PDZD2: variants seen among roughly 807,000 people sequenced by gnomAD.
PDZD2 encodes the protein PDZ domain-containing protein 2.
A neutral mutation model predicts 220.7 loss-of-function variants in PDZD2; 90 were observed. That is an observed-to-expected ratio of 0.41 (90% CI 0.34 to 0.49). The LOEUF (loss-of-function observed/expected upper bound fraction) is 0.49, where lower values mean the gene tolerates loss of function less well. Ranked by LOEUF, PDZD2 falls within the 20% of genes least tolerant of loss-of-function variation. The pLI is 0.28. For synonymous variants in PDZD2, 1,375 were observed against 1,450.5 expected, an observed-to-expected ratio of 0.95 and a Z score of 1.18; for missense variants, 3,174 against 3,608.5, an observed-to-expected ratio of 0.88 and a Z score of 3.08.
chr5:32,048,503 C>T, intron 7 of PDZD2, 36 bp from the exon 8 acceptor site: 2 of 1,583,554 alleles, frequency 1.3e-6, no homozygotes, highest in Non-Finnish European at 8.7e-7. Context: ...CTTTTTGTCC[C>T]ATATCAAACT....
At chr5:31,746,634 A>G (rs1035805988) in intron 1 of PDZD2, among the ~76,000 whole-genome samples, 1 of 152,204 alleles carries the variant, frequency 6.6e-6, no homozygotes, top group African/African-American at 2.4e-5. Context: ...AGTACCTATG[A>G]CACTTGGTTC....
intron 2 of PDZD2, among the ~76,000 whole-genome samples, chr5:31,892,886 T>G (rs1281437799): frequency 6.6e-6 from 1 of 152,096 alleles, no homozygotes; most frequent in Non-Finnish European, 1.5e-5. Context: ...TAGTTTCTTA[T>G]GGAGCTCACA....
chr5:32,092,431 G>A (rs1319344615), intron 20 of PDZD2, among the ~76,000 whole-genome samples: 2 of 151,816 alleles, frequency 1.3e-5, no homozygotes, highest in Non-Finnish European at 2.9e-5. Flanking sequence ...AATTAGCCAG[G>A]CGTGGTGGCA....
chr5:31,655,428 C>A (rs2150108981), intron 1 of PDZD2, among the ~76,000 whole-genome samples: 1 of 152,292 alleles, frequency 6.6e-6, no homozygotes, highest in African/African-American at 2.4e-5. Flanking sequence ...CTCCTGGCCT[C>A]CCAAAGCGCG....
At chr5:31,802,425 A>G (rs912095408) in intron 2 of PDZD2, among the ~76,000 whole-genome samples, 1 of 152,160 alleles carries the variant, frequency 6.6e-6, no homozygotes, top group Admixed American at 6.6e-5. Context: ...ATTCGGTGCA[A>G]CACTCCACTT....
chr5:32,105,139 A>T (rs1332770589), intron 24 of PDZD2, among the ~76,000 whole-genome samples: 4 of 151,406 alleles, frequency 2.6e-5, no homozygotes, highest in Non-Finnish European at 4.4e-5. Flanking sequence ...GTCTCAAAAA[A>T]AAACAATCAA....
chr5:31,653,817 C>T (rs1351664487), intron 1 of PDZD2, among the ~76,000 whole-genome samples: 2 of 152,146 alleles, frequency 1.3e-5, no homozygotes, highest in African/African-American at 2.4e-5. Flanking sequence ...CAGAGTCTCA[C>T]TCTGTCACTC....
rs1387652752 is a variant in PDZD2, at chr5:32,057,961, CAT to C, written c.2059_2060del (p.Met687GlufsTer21). 2 of 1,613,896 alleles carry C rather than the reference CAT, an allele frequency of 1.2e-6. No homozygotes were observed. Among genetic ancestry groups the C allele is most frequent in the Admixed American group, 3.3e-5 (2 of 60,006 alleles). ...SLTPCSTPTHMSRSASPNFNT... is the reference protein window; with the variant it reads ...SLTPCSTPTHXSRSASPNFNT... ...TCACACCCTGCTCGACACCCACACA[CAT>C]GAGCAGATCCGCCTCCCCGAACTTC... is the stretch of plus-strand genomic sequence containing the variant. On this transcript the variant is annotated frameshift_variant, in exon 12 of 25. Transcript: ENST00000438447. LOFTEE classifies it high-confidence loss of function.
chr5:32,016,653 G>C (rs559110509), intron 6 of PDZD2, among the ~76,000 whole-genome samples: 1 of 152,258 alleles, frequency 6.6e-6, no homozygotes, highest in African/African-American at 2.4e-5. Flanking sequence ...CAGTCTCTCT[G>C]AGCCCAGGGC....
At chr5:31,844,461 A>G (rs1757485393) in intron 2 of PDZD2, among the ~76,000 whole-genome samples, 1 of 152,222 alleles carries the variant, frequency 6.6e-6, no homozygotes, top group Non-Finnish European at 1.5e-5. Flanking sequence ...TGTTTTCCAT[A>G]TATTTACGTA....
chr5:31,714,480 C>T (rs776036654), intron 1 of PDZD2, among the ~76,000 whole-genome samples: 8 of 152,154 alleles, frequency 5.3e-5, no homozygotes, highest in Non-Finnish European at 7.4e-5. Flanking sequence ...GTAGGAGAAA[C>T]TTTTGGAGGT....
At chr5:31,853,219 GT>G (rs899129327) in intron 2 of PDZD2, among the ~76,000 whole-genome samples, 2 of 152,238 alleles carry the variant, frequency 1.3e-5, no homozygotes, top group Admixed American at 1.3e-4. Context: ...AATACCCTTG[GT>G]TTTTTCTGAA....
chr5:31,815,865 G>C (rs935778408), intron 2 of PDZD2, among the ~76,000 whole-genome samples: 1 of 152,086 alleles, frequency 6.6e-6, no homozygotes, highest in Non-Finnish European at 1.5e-5. Context: ...TAGGCCAAGA[G>C]CATGAAATTT....
At chr5:31,954,666 C>T (rs1265921098) in intron 2 of PDZD2, among the ~76,000 whole-genome samples, 1 of 152,176 alleles carries the variant, frequency 6.6e-6, no homozygotes, top group Non-Finnish European at 1.5e-5. Flanking sequence ...CAGTGACTCA[C>T]ACCTGTAATC....
At chr5:31,961,684 G>A (rs919232741) in intron 2 of PDZD2, among the ~76,000 whole-genome samples, 2 of 152,032 alleles carry the variant, frequency 1.3e-5, no homozygotes, top group Non-Finnish European at 2.9e-5. Context: ...TTGCTCTGTC[G>A]CCCAGGCTGG....
chr5:32,000,359 A>C lies in PDZD2; in HGVS notation c.1254+88A>C. ...ACCTCCCATGCCACACACACACACA[A>C]AGACATGTGTGCACTTGTACGTTTG... On this transcript the variant is annotated intron_variant, in intron 5 of 24. Coordinates refer to ENST00000438447, the MANE Select transcript of PDZD2 (RefSeq NM_178140.4). This position sits in a 1 kb window ranked among gnomAD's most constrained non-coding sequence, Gnocchi z 4.5. 5.2e-6 allele frequency: 7 copies of C among 1,335,242 alleles called. No homozygotes were observed. The highest frequency in any genetic ancestry group is 1.8e-4 in the Middle Eastern group (1 of 5,482). 82.7% of individuals were successfully genotyped at this position (1,335,242 alleles called of 1,614,324 possible).
intron 2 of PDZD2, among the ~76,000 whole-genome samples, chr5:31,941,439 G>GTCTTTATT (rs1746207690): frequency 6.6e-6 from 1 of 152,160 alleles, no homozygotes; most frequent in Non-Finnish European, 1.5e-5. Context: ...GACCTGGAGG[G>GTCTTTATT]GAAACAGAAA....
In PDZD2 at chr5:31,848,477, C is replaced by T. The variant is rs140964506; in HGVS notation, c.476+48753C>T. Reference sequence around the variant, plus strand: ...AGAAAGTGAACTTGGGGCCTGGCGCCGTGGCTCACGCCTGTAATCCCAGCA... The same window carrying T: ...AGAAAGTGAACTTGGGGCCTGGCGCTGTGGCTCACGCCTGTAATCCCAGCA... On this transcript the variant is annotated intron_variant, in intron 2 of 24. Coordinates refer to ENST00000438447, the MANE Select transcript of PDZD2 (RefSeq NM_178140.4). 1.6e-4 allele frequency among the ~76,000 whole-genome samples: 24 copies of T among 152,272 alleles called. No homozygotes were observed. In the East Asian group the frequency reaches 2.3e-3, roughly 15 times the overall value.
At chr5:31,851,236 CCCACCAGTAAGAGTCTGTCTG>C (rs2150298871) in intron 2 of PDZD2, among the ~76,000 whole-genome samples, 1 of 152,260 alleles carries the variant, frequency 6.6e-6, no homozygotes, top group African/African-American at 2.4e-5. Context: ...CCCCCCACAA[CCCACCAGTAAGAGTCTGTCTG>C]CTGTCAAATT....
Sources: gnomAD v4.1 joint callset for allele counts (sites outside exome capture counted in the v4.1 genomes callset) on GRCh38, gnomAD v4.1.1 for gene constraint, Gnocchi (gnomAD v3.1) non-coding constraint, MANE v1.5 for transcripts, NCBI Gene and HGNC (gene_info 2026-07-23, HGNC 2026-07-21) for gene names.